Variants in FRAS1 observed in about 807,000 individuals in gnomAD.
FRAS1 encodes extracellular matrix organizing protein FRAS1.
FRAS1 carries 290 observed loss-of-function variants against 435.2 expected under a neutral mutation model. That is an observed-to-expected ratio of 0.67 (90% CI 0.61 to 0.73). The LOEUF (loss-of-function observed/expected upper bound fraction) is 0.73. Among genes scored for constraint, FRAS1 ranks in the 30% least tolerant of loss-of-function variants. The pLI is 0.00. For synonymous variants in FRAS1, 1,800 were observed against 1,851.0 expected, an observed-to-expected ratio of 0.97 and a Z score of 0.71; for missense variants, 4,860 against 5,001.5, an observed-to-expected ratio of 0.97 and a Z score of 0.85.
At chr4:78,194,845 A>G (rs368743239) in intron 2 of FRAS1, among the ~76,000 whole-genome samples, 1 of 151,500 alleles carries the variant, frequency 6.6e-6, no homozygotes, top group African/African-American at 2.4e-5. Flanking sequence ...GAGGAGAGAC[A>G]CTCTGATTTT....
chr4:78,300,892 T>C (rs12500443), intron 14 of FRAS1, among the ~76,000 whole-genome samples: 48,211 of 151,872 alleles, frequency 0.32, 8,123 homozygotes, highest in Admixed American at 0.38. Flanking sequence ...CTGGCTGCCT[T>C]TCATCCTTTT....
At chr4:78,519,257 C>T (rs142236655) in intron 66 of FRAS1, 74 bp from the exon 67 acceptor site, 16,102 of 1,331,286 alleles carry the variant, frequency 0.012, 113 homozygotes, top group Middle Eastern at 0.02. Context: ...GAAAATGGAA[C>T]CAAGATGTGG....
rs1254300696 is a variant in FRAS1, at chr4:78,083,644, T to TC, written c.108+17628_108+17629insC. ...AAGTTCTGTTTTTTTTTTTTTTTTT[T>TC]TGCAAGAATCTAACATAGATCACAA... On this transcript the variant is annotated intron_variant, in intron 2 of 73. Transcript: ENST00000512123. 1.9e-4 allele frequency among the ~76,000 whole-genome samples: 29 copies of TC among 151,132 alleles called. 1 individual carries two copies. Among genetic ancestry groups the TC allele is most frequent in the South Asian group, 1.7e-3 (8 of 4,748 alleles).
chr4:78,139,186 C>T (rs1035088514), intron 2 of FRAS1, among the ~76,000 whole-genome samples: 4 of 152,156 alleles, frequency 2.6e-5, no homozygotes, highest in African/African-American at 7.2e-5. Flanking sequence ...AGTACAGCGC[C>T]AGCCTTGGGC....
intron 22 of FRAS1, among the ~76,000 whole-genome samples, chr4:78,366,209 A>G (rs986606003): frequency 6.6e-6 from 1 of 152,206 alleles, no homozygotes; most frequent in Non-Finnish European, 1.5e-5. Flanking sequence ...AAGGGTCACC[A>G]GTTGAGGTAG....
At chr4:78,372,897 C>G in intron 24 of FRAS1, 39 bp downstream of exon 24, 1 of 1,597,334 alleles carries the variant, frequency 6.3e-7, no homozygotes, top group South Asian at 1.1e-5. Flanking sequence ...TCAGCCATAC[C>G]TTGGCCACCT....
chr4:78,317,292 C>T lies in FRAS1; in HGVS notation c.1820-76C>T, dbSNP rs540358082. The T allele has an allele frequency of 1.3e-4, 194 of 1,549,046 alleles. 2 individuals carry two copies. The highest frequency in any genetic ancestry group is 9.7e-4 in the East Asian group (43 of 44,516). On this transcript the variant is annotated intron_variant, in intron 16 of 73. Coordinates refer to ENST00000512123, the MANE Select transcript of FRAS1 (RefSeq NM_025074.7). ...CACAGGGGACTAAGAGTCCCAGGCC[C>T]GTGAAGCCCAGCCAGGAAGTGGGCA...
rs1330727161 is a variant in FRAS1 at position 78,320,994 on chromosome 4, C to T, written c.2137+2008C>T. On this transcript the variant is annotated intron_variant, in intron 18 of 73. Coordinates refer to ENST00000512123, the MANE Select transcript of FRAS1 (RefSeq NM_025074.7). ...CAAAGTGACATCTTCCTAGACCACTCAGCGCAGTTAGGTGCTTCTTACAAT... is the reference window on the plus strand; with the variant it reads ...CAAAGTGACATCTTCCTAGACCACTTAGCGCAGTTAGGTGCTTCTTACAAT... Among the ~76,000 whole-genome samples the T allele has an allele frequency of 3.3e-5, 5 of 152,334 alleles. No homozygotes were observed. In the South Asian group the frequency reaches 6.2e-4, roughly 19 times the overall value.
Position 78,472,230 on chromosome 4 carries a change from C to T in FRAS1, c.7422C>T (p.Thr2474=), listed in dbSNP as rs759674249. 9.3e-6 allele frequency: 15 copies of T among 1,613,782 alleles called. No individual in the cohort carries two copies. The highest frequency in any genetic ancestry group is 4.5e-5 in the East Asian group (2 of 44,888). ...KKELLTMDPD[T]EDAQLVYEIT... ...AACTGCTGACCATGGACCCAGACAC[C>T]GAGGACGCGCAGCTTGTCTATGAGA... is the stretch of plus-strand genomic sequence containing the variant. The change falls in exon 52 of 74, where the codon ACC becomes ACT. Residue 2474 remains threonine, a synonymous_variant. Coordinates refer to ENST00000512123, the MANE Select transcript of FRAS1 (RefSeq NM_025074.7).
chr4:78,137,326 TAAGTA>T (rs1436194454), intron 2 of FRAS1, among the ~76,000 whole-genome samples: 1 of 152,214 alleles, frequency 6.6e-6, no homozygotes, highest in African/African-American at 2.4e-5. Flanking sequence ...TGTTAAATGT[TAAGTA>T]AAGTAACTTC....
intron 2 of FRAS1, among the ~76,000 whole-genome samples, chr4:78,091,944 T>C (rs895385930): frequency 7.8e-6 from 1 of 127,794 alleles, no homozygotes; most frequent in Non-Finnish European, 1.5e-5. Context: ...TCCAGAAGTT[T>C]GAGACCAACC....
chr4:78,204,721 A>G (rs984740048), intron 2 of FRAS1, among the ~76,000 whole-genome samples: 6 of 152,154 alleles, frequency 3.9e-5, no homozygotes, highest in African/African-American at 1.4e-4. Context: ...ACTAACTCTG[A>G]ACTATTTGGA....
At position 78,511,425 on chromosome 4, in the gene FRAS1, G is replaced by T; in HGVS notation, c.9932G>T (p.Gly3311Val). ...ATCTGCCACACACCAGTGGTGGCTG[G>T]GACATCCAGAGGCTTCCAGGCTCAG... ...SAICHTPVVA[G>V]TSRGFQAQSF... is the part of the protein sequence containing the mutation. Residue 3311 changes from glycine to valine, a missense_variant, in exon 64 of 74, where the codon GGG becomes GTG. Coordinates refer to ENST00000512123, the MANE Select transcript of FRAS1 (RefSeq NM_025074.7). 6.2e-7 allele frequency: 1 copy of T among 1,613,900 alleles called. No individual in the cohort carries two copies. Among genetic ancestry groups the T allele is most frequent in the South Asian group, 1.1e-5 (1 of 91,084 alleles).
chr4:78,424,074 C>A (rs1733905347), intron 34 of FRAS1, among the ~76,000 whole-genome samples: 1 of 152,124 alleles, frequency 6.6e-6, no homozygotes, highest in Admixed American at 6.5e-5. Context: ...TACGACTCAC[C>A]CGCATTCACC....
intron 72 of FRAS1, among the ~76,000 whole-genome samples, chr4:78,537,709 G>C (rs1721926852): frequency 6.6e-6 from 1 of 152,192 alleles, no homozygotes. Flanking sequence ...TTGGGACACT[G>C]AGGTGGGAGA....
intron 29 of FRAS1, among the ~76,000 whole-genome samples, chr4:78,389,495 A>G (rs1228458569): frequency 6.6e-6 from 1 of 152,234 alleles, no homozygotes; most frequent in African/African-American, 2.4e-5. Flanking sequence ...TGAAGGTGGC[A>G]TAGGAGAGAT....
chr4:78,341,506 T>C (rs768869317), intron 20 of FRAS1, among the ~76,000 whole-genome samples: 20 of 152,158 alleles, frequency 1.3e-4, no homozygotes, highest in Non-Finnish European at 2.8e-4. Context: ...AGAACGTTGC[T>C]GAGGGGATAA....
Position 78,438,560 on chromosome 4 carries a change from GC to G in FRAS1, c.5218-8del, listed in dbSNP as rs2109822763. 1 of 1,613,648 alleles carries G rather than the reference GC, an allele frequency of 6.2e-7. No homozygotes were observed. Among genetic ancestry groups the G allele is most frequent in the Non-Finnish European group, 8.5e-7 (1 of 1,179,722 alleles). On this transcript the variant is annotated splice_polypyrimidine_tract_variant and intron_variant, in intron 38 of 73. Transcript: ENST00000512123. ...TGCGTTCATGTCCTGCCTCATGTTTGCCTCATTAGGATGATTCTTCCCCCGA... is the reference window on the plus strand; with the variant it reads ...TGCGTTCATGTCCTGCCTCATGTTTGCTCATTAGGATGATTCTTCCCCCGA...
At chr4:78,135,943 T>C (rs1196425784) in intron 2 of FRAS1, among the ~76,000 whole-genome samples, 1 of 152,250 alleles carries the variant, frequency 6.6e-6, no homozygotes, top group Non-Finnish European at 1.5e-5. Flanking sequence ...CCTGTGAGCC[T>C]CTGATCTCAA....
Sources: gnomAD v4.1 joint callset for allele counts (sites outside exome capture counted in the v4.1 genomes callset) on GRCh38, gnomAD v4.1.1 for gene constraint, MANE v1.5 for transcripts, NCBI Gene and HGNC (gene_info 2026-07-23, HGNC 2026-07-21) for gene names.